Variants in TNS2 observed in about 807,000 individuals in gnomAD.
TNS2 encodes the protein tensin-2.
TNS2 carries 77 observed loss-of-function variants against 155.7 expected under a neutral mutation model. The observed-to-expected ratio is 0.49, with a 90% CI of 0.41 to 0.60. The LOEUF (loss-of-function observed/expected upper bound fraction) is 0.60. TNS2 is among the 20% of genes least tolerant of loss of function. The pLI is 0.00. For synonymous variants in TNS2, 726 were observed against 763.9 expected, an observed-to-expected ratio of 0.95 and a Z score of 0.82; for missense variants, 1,703 against 1,868.8, an observed-to-expected ratio of 0.91 and a Z score of 1.64.
In TNS2 at chr12:53,063,607, G is replaced by T. The variant is rs574894624; in HGVS notation, c.4091+15G>T. 5.0e-6 allele frequency: 8 copies of T among 1,613,602 alleles called. No individual in the cohort carries two copies. The East Asian group carries it at 1.6e-4, about 32-fold the overall frequency. On this transcript the variant is annotated intron_variant, in intron 28 of 28. Transcript: ENST00000314250. The surrounding 1 kb of genome is among the most constrained non-coding windows in gnomAD (Gnocchi z 5.6). ...ACCACCTCCAAGTAAGCCTCCCCAC[G>T]AATTCAGCCTCTTCCTTCCAAGGGA...
chr12:53,057,197 C>A, intron 11 of TNS2, 101 bp downstream of exon 11: 1 of 1,279,740 alleles, frequency 7.8e-7, no homozygotes, highest in Non-Finnish European at 1.1e-6. Context: ...CTGAGTGTGC[C>A]AAGCGCCGTG....
At chr12:53,049,961 C>A, upstream of TNS2, 1 of 1,171,864 alleles carries the variant, frequency 8.5e-7, no homozygotes, top group Non-Finnish European at 1.2e-6. Flanking sequence ...GATCTCCTGG[C>A]CTCCCCCACA....
chr12:53,063,504 GC>G lies in TNS2; in HGVS notation c.4062-53del. On this transcript the variant is annotated intron_variant, in intron 27 of 28. Transcript: ENST00000314250. The surrounding 1 kb of genome is among the most constrained non-coding windows in gnomAD (Gnocchi z 5.6). ...AGCCCCAGCCCCAGCCCCGGCCCCG[GC>G]CCCCCTTCAGCAGCTGTCCCCTGGG... The G allele has an allele frequency of 6.2e-7, 1 of 1,604,896 alleles. No individual in the cohort carries two copies. Among genetic ancestry groups the G allele is most frequent in the Non-Finnish European group, 8.5e-7 (1 of 1,174,530 alleles).
Position 53,058,838 on chromosome 12 carries a change from A to G in TNS2, c.1405+11A>G, listed in dbSNP as rs781177141. Reference sequence around the variant, plus strand: ...AGGACAGTGTGGATGGTGCGCAGGCAGCCTGCAGGGTGGGAGGTACAGGGT... The same window carrying G: ...AGGACAGTGTGGATGGTGCGCAGGCGGCCTGCAGGGTGGGAGGTACAGGGT... On this transcript the variant is annotated intron_variant, in intron 17 of 28. Coordinates refer to ENST00000314250, the MANE Select transcript of TNS2 (RefSeq NM_170754.4). The G allele has an allele frequency of 4.7e-5, 76 of 1,612,294 alleles. No homozygotes were observed. Among genetic ancestry groups the G allele is most frequent in the East Asian group, 3.3e-4 (15 of 44,846 alleles).
intron 21 of TNS2, 121 bp from the exon 22 acceptor site, chr12:53,061,694 C>T (rs1944389664): frequency 4.0e-6 from 6 of 1,501,246 alleles, no homozygotes; most frequent in South Asian, 3.9e-5. Flanking sequence ...AGACTCTTAC[C>T]GCCACCACAG....
chr12:53,059,783 A>G lies in TNS2; in HGVS notation c.2142A>G (p.Gly714=), dbSNP rs1944313081. ...GACTGCGGCTGGAGAGGGAGGCTGG[A>G]GAAGGGTGGGCAAGTGAGGCTGGCA... ...LYGLRLEREA[G]EGWASEAGKP... Residue 714 remains glycine (G), a synonymous_variant, in exon 18 of 29, where the codon GGA becomes GGG. Transcript: ENST00000314250. The surrounding 1 kb of genome is among the most constrained non-coding windows in gnomAD (Gnocchi z 4.7). 1 of 1,612,530 alleles carries G rather than the reference A, an allele frequency of 6.2e-7. No individual in the cohort carries two copies. Among genetic ancestry groups the G allele is most frequent in the African/African-American group, 1.3e-5 (1 of 75,022 alleles).
intron 24 of TNS2, 27 bp from the exon 25 acceptor site, chr12:53,062,593 T>G (rs1171394783): frequency 6.2e-7 from 1 of 1,612,964 alleles, no homozygotes; most frequent in Non-Finnish European, 8.5e-7. Context: ...CCTTCTGAGC[T>G]TCCCTGTCGG....
Position 53,053,414 on chromosome 12 carries a change from A to G in TNS2, c.226A>G (p.Thr76Ala), listed in dbSNP as rs1944014927. Residue 76 changes from threonine (T) to alanine (A), a missense_variant, in exon 4 of 29, where the codon ACT becomes GCT. Thr to Ala is a moderately conservative substitution (Grantham distance 58, BLOSUM62 0). Coordinates refer to ENST00000314250, the MANE Select transcript of TNS2 (RefSeq NM_170754.4). ...TCCTTACTCGGTCCCCTTCCAGGTG[A>G]CTTCAGCCTGTCAGGCCTTGCCTCC... is the stretch of plus-strand genomic sequence containing the variant. ...ATHRKCEAKVTSACQALPPVE... is the reference protein window; with the variant it reads ...ATHRKCEAKVASACQALPPVE... The G allele has an allele frequency of 4.3e-6, 7 of 1,613,884 alleles. No individual in the cohort carries two copies. The highest frequency in any genetic ancestry group is 5.9e-6 in the Non-Finnish European group (7 of 1,179,946).
chr12:53,051,746 T>A (rs561126161), intron 1 of TNS2, 109 bp from the exon 2 acceptor site: 1 of 835,028 alleles, frequency 1.2e-6, no homozygotes, highest in East Asian at 2.5e-5. Flanking sequence ...GAGGGCTTGA[T>A]CTGGACGGAG....
chr12:53,048,496 G>T (rs1444071488), upstream of TNS2, among the ~76,000 whole-genome samples: 3 of 152,234 alleles, frequency 2.0e-5, no homozygotes, highest in East Asian at 3.9e-4. Flanking sequence ...CCCAAGCAGG[G>T]CTGGGGGCTC....
chr12:53,056,861 T>G, intron 10 of TNS2, 152 bp from the exon 11 acceptor site: 1 of 662,294 alleles, frequency 1.5e-6, no homozygotes, highest in Non-Finnish European at 2.5e-6. Flanking sequence ...GTAAAGTGAC[T>G]GTACATGGTG....
rs761730969 is a variant in TNS2 at position 53,055,688 on chromosome 12, A to G, written c.694A>G (p.Lys232Glu). The change falls in exon 9 of 29, where the codon AAG (lysine) becomes GAG (glutamate). Residue 232 changes from lysine (K) to glutamate (E), a missense_variant and splice_region_variant. By Grantham distance (56) the Lys-to-Glu change is moderately conservative (BLOSUM62 1). Coordinates refer to ENST00000314250, the MANE Select transcript of TNS2 (RefSeq NM_170754.4). Reference protein sequence around the residue: ...DPQHVVVLYCKGNKGKLGVIV... With the variant: ...DPQHVVVLYCEGNKGKLGVIV... ...ACAGCACGTGGTCGTACTATACTGC[A>G]AGGTGGGCCAGGACCTCGGGTTCCC... 1.2e-6 allele frequency: 2 copies of G among 1,614,068 alleles called. No homozygotes were observed. Among genetic ancestry groups the G allele is most frequent in the Non-Finnish European group, 1.7e-6 (2 of 1,180,042 alleles).
Position 53,061,121 on chromosome 12 carries a change from C to G in TNS2, c.3215C>G (p.Pro1072Arg), listed in dbSNP as rs766782077. ...SYDTNGLSQP[P>R]LPEKRHLPGP... ...GACACCAATGGCCTTAGCCAGCCCC[C>G]ACTTCCTGAGAAACGCCACCTGCCC... Residue 1072 changes from proline (P) to arginine (R), a missense_variant, in exon 20 of 29, where the codon CCA becomes CGA. By Grantham distance (103) the Pro-to-Arg change is moderately radical. Transcript: ENST00000314250. The G allele has an allele frequency of 6.2e-7, 1 of 1,610,914 alleles. No individual in the cohort carries two copies. Among genetic ancestry groups the G allele is most frequent in the Non-Finnish European group, 8.5e-7 (1 of 1,178,476 alleles).
At chr12:53,061,744 G>A (rs749682349) in intron 21 of TNS2, 71 bp from the exon 22 acceptor site, 9 of 1,556,274 alleles carry the variant, frequency 5.8e-6, no homozygotes, top group Admixed American at 1.9e-5. Flanking sequence ...AGCAGAGGAG[G>A]GGGGCTGCAT....
At position 53,057,843 on chromosome 12, in the gene TNS2, C is replaced by G. The variant is rs769210671; in HGVS notation, c.1019+10C>G. 1.5e-5 allele frequency: 24 copies of G among 1,613,752 alleles called. No homozygotes were observed. The highest frequency in any genetic ancestry group is 1.6e-5 in the Non-Finnish European group (19 of 1,180,032). On this transcript the variant is annotated intron_variant, in intron 13 of 28. Coordinates refer to ENST00000314250, the MANE Select transcript of TNS2 (RefSeq NM_170754.4). ...ACACATCTGGAGTCTAGTGAGTGCTCTATTCCCAGGCCCCTGACACTTCAT... is the reference window on the plus strand; with the variant it reads ...ACACATCTGGAGTCTAGTGAGTGCTGTATTCCCAGGCCCCTGACACTTCAT...
At position 53,063,887 on chromosome 12, in the gene TNS2, A is replaced by G. The variant is rs758555300; in HGVS notation, c.*5A>G. 1.2e-6 allele frequency: 2 copies of G among 1,613,852 alleles called. No individual in the cohort carries two copies. The highest frequency in any genetic ancestry group is 1.7e-6 in the Non-Finnish European group (2 of 1,179,888). ...CTACTGGGCCAGAGAAAATGAAGGA[A>G]GGCCACAAGCTCAGAGCCCACATCA... On this transcript the variant is annotated 3_prime_UTR_variant, in exon 29 of 29. Coordinates refer to ENST00000314250, the MANE Select transcript of TNS2 (RefSeq NM_170754.4). The surrounding 1 kb of genome is among the most constrained non-coding windows in gnomAD (Gnocchi z 5.6).
At chr12:53,061,553 T>C in intron 21 of TNS2, 84 bp downstream of exon 21, 1 of 1,465,990 alleles carries the variant, frequency 6.8e-7, no homozygotes, top group Non-Finnish European at 9.5e-7. Flanking sequence ...CTGTTGAAGC[T>C]CTTGGCTCCT....
intron 2 of TNS2, 99 bp downstream of exon 2, chr12:53,052,062 C>A: frequency 1.9e-6 from 2 of 1,043,942 alleles, no homozygotes; most frequent in East Asian, 2.5e-5. Context: ...ATGTAATATG[C>A]TGCTCCTGGA....
chr12:53,058,837 C>A lies in TNS2; in HGVS notation c.1405+10C>A. The A allele has an allele frequency of 6.2e-7, 1 of 1,612,268 alleles. No homozygotes were observed. Among genetic ancestry groups the A allele is most frequent in the Non-Finnish European group, 8.5e-7 (1 of 1,179,662 alleles). ...GAGGACAGTGTGGATGGTGCGCAGG[C>A]AGCCTGCAGGGTGGGAGGTACAGGG... On this transcript the variant is annotated intron_variant, in intron 17 of 28. Coordinates refer to ENST00000314250, the MANE Select transcript of TNS2 (RefSeq NM_170754.4).
Sources: allele counts gnomAD v4.1 joint callset (sites outside exome capture counted in the v4.1 genomes callset), GRCh38; gene constraint gnomAD v4.1.1; non-coding constraint Gnocchi (gnomAD v3.1); transcripts MANE v1.5; gene names NCBI Gene and HGNC (gene_info 2026-07-23, HGNC 2026-07-21).